LDAF1: variants seen among roughly 807,000 people sequenced by gnomAD.
LDAF1 encodes the protein lipid droplet assembly factor 1, also known as PROMETHIN.
Under a neutral mutation model 13.5 loss-of-function variants are expected in LDAF1, and 7 were observed. The observed-to-expected ratio is 0.52, with a 90% CI of 0.29 to 0.97. The LOEUF is 0.97. Among genes scored for constraint, LDAF1 ranks in the 50% least tolerant of loss-of-function variants. The probability of loss-of-function intolerance (pLI) is 0.07; values close to 1 mark genes in which losing one functional copy is unlikely to be tolerated. For missense variants in LDAF1, 148 were observed against 193.2 expected (o/e 0.77, Z 1.39); for synonymous variants, 69 against 77.1 (o/e 0.89, Z 0.55).
At chr16:21,174,367 T>G (rs2093120405) in intron 4 of LDAF1, among the ~76,000 whole-genome samples, 1 of 151,972 alleles carries the variant, frequency 6.6e-6, no homozygotes, top group Non-Finnish European at 1.5e-5. Context: ...TTTTAATATT[T>G]TTTATTTTTT....
chr16:21,179,577 C>A lies in LDAF1; in HGVS notation c.*21C>A. ...AATGAGTGACTGCTCAGAGGCCGGG[C>A]TTCTTTTCAAGTACTGCTGGATCAT... On this transcript the variant is annotated 3_prime_UTR_variant, in exon 5 of 5. Transcript: ENST00000233047. 1 of 1,605,796 alleles carries A rather than the reference C, an allele frequency of 6.2e-7. No homozygotes were observed. The highest frequency in any genetic ancestry group is 8.5e-7 in the Non-Finnish European group (1 of 1,173,126).
At chr16:21,179,195 T>A (rs898146397) in intron 4 of LDAF1, 2 of 254,046 alleles carry the variant, frequency 7.9e-6, no homozygotes, top group African/African-American at 4.6e-5. Flanking sequence ...TAATCTACCA[T>A]TCTCACTGGG....
At chr16:21,173,869 A>C in intron 3 of LDAF1, 141 bp from the exon 4 acceptor site, 1 of 903,286 alleles carries the variant, frequency 1.1e-6, no homozygotes, top group Non-Finnish European at 1.6e-6. Context: ...AAGTGATGCT[A>C]GAAATCTGGG....
intron 1 of LDAF1, among the ~76,000 whole-genome samples, chr16:21,160,710 TATC>T (rs1215399735): frequency 1.3e-5 from 2 of 152,222 alleles, no homozygotes; most frequent in Middle Eastern, 3.2e-3. Flanking sequence ...TTTTTAAAAG[TATC>T]ATACACATCT....
At position 21,174,000 on chromosome 16, in the gene LDAF1, C is replaced by A; in HGVS notation, c.266-10C>A. 6.2e-7 allele frequency: 1 copy of A among 1,608,564 alleles called. No individual in the cohort carries two copies. Among genetic ancestry groups the A allele is most frequent in the Non-Finnish European group, 8.5e-7 (1 of 1,178,076 alleles). On this transcript the variant is annotated splice_polypyrimidine_tract_variant and intron_variant, in intron 3 of 4. Transcript: ENST00000233047. ...GATGAACCCTTCTCCTAACCACGTTCTCCTCCTAGGATTGGTCATCTCTGT... is the reference window on the plus strand; with the variant it reads ...GATGAACCCTTCTCCTAACCACGTTATCCTCCTAGGATTGGTCATCTCTGT...
At chr16:21,178,401 T>A (rs1249569296) in intron 4 of LDAF1, 1 of 985,098 alleles carries the variant, frequency 1.0e-6, no homozygotes, top group Non-Finnish European at 1.2e-6. Context: ...TTTTTTGTTA[T>A]CAGGGAGGAA....
intron 1 of LDAF1, chr16:21,159,821 A>G (rs2092947786): frequency 1.2e-6 from 1 of 807,530 alleles, no homozygotes; most frequent in Non-Finnish European, 1.5e-6. Context: ...CTCCCAGGCC[A>G]AAGGAGACCT....
At chr16:21,178,243 C>T (rs559237198) in intron 4 of LDAF1, 1 of 985,356 alleles carries the variant, frequency 1.0e-6, no homozygotes, top group African/African-American at 1.7e-5. Context: ...CCAGGGCCTG[C>T]AGCTCAGGAG....
chr16:21,160,498 G>T (rs138682663), intron 1 of LDAF1, among the ~76,000 whole-genome samples: 115 of 152,214 alleles, frequency 7.6e-4, no homozygotes, highest in African/African-American at 2.6e-3. Flanking sequence ...ATGGAATTGG[G>T]AGCCAACCTG....
chr16:21,161,991 C>G (rs1176833702), intron 2 of LDAF1, among the ~76,000 whole-genome samples: 6 of 151,958 alleles, frequency 3.9e-5, no homozygotes, highest in Admixed American at 3.9e-4. Context: ...AACCCCATCT[C>G]TACTAAAATT....
chr16:21,179,484 A>G lies in LDAF1; in HGVS notation c.414A>G (p.Thr138=). The G allele has an allele frequency of 4.3e-6, 7 of 1,614,166 alleles. No homozygotes were observed. The highest frequency in any genetic ancestry group is 5.9e-6 in the Non-Finnish European group (7 of 1,180,018). The change falls in exon 5 of 5, where the codon ACA becomes ACG. Residue 138 remains threonine, a synonymous_variant. Transcript: ENST00000233047. Reference sequence around the variant, plus strand: ...TCTTGTTATCCGACAGGCCACTGACACAGCAAAACACCAGTTGTGACTTTC... The same window carrying G: ...TCTTGTTATCCGACAGGCCACTGACGCAGCAAAACACCAGTTGTGACTTTC... ...ISCWFSPRPL[T]QQNTSCDFLP...
At chr16:21,170,401 G>GT in intron 2 of LDAF1, 36 bp from the exon 3 acceptor site, 1 of 1,611,992 alleles carries the variant, frequency 6.2e-7, no homozygotes, top group East Asian at 2.2e-5. Flanking sequence ...GTTCCGATGT[G>GT]TTACTTATCC....
chr16:21,180,005 TG>T lies in LDAF1; in HGVS notation c.*451del, dbSNP rs1382354141. 6.4e-6 allele frequency: 1 copy of T among 156,194 alleles called. No homozygotes were observed. Among genetic ancestry groups the T allele is most frequent in the Non-Finnish European group, 1.4e-5 (1 of 70,450 alleles). 9.7% of individuals were successfully genotyped at this position (156,194 alleles called of 1,614,324 possible). On this transcript the variant is annotated 3_prime_UTR_variant, in exon 5 of 5. Transcript: ENST00000233047. Reference sequence around the variant, plus strand: ...ATCCAAAACAGAACAAGCCCTTCTGTGGTATTTGCTTTTTATCAGAAAGAAC... The same window carrying T: ...ATCCAAAACAGAACAAGCCCTTCTGTGTATTTGCTTTTTATCAGAAAGAAC...
intron 3 of LDAF1, among the ~76,000 whole-genome samples, chr16:21,173,644 C>T (rs1046163752): frequency 2.6e-5 from 4 of 151,726 alleles, no homozygotes; most frequent in East Asian, 1.9e-4. Flanking sequence ...ACCTGGGAGG[C>T]GGAGGTTGCA....
chr16:21,179,483 CA>C lies in LDAF1; in HGVS notation c.414del (p.Gln139SerfsTer12). The C allele has an allele frequency of 6.2e-7, 1 of 1,614,192 alleles. No homozygotes were observed. Among genetic ancestry groups the C allele is most frequent in the Admixed American group, 1.7e-5 (1 of 60,024 alleles). ...TTCTTGTTATCCGACAGGCCACTGA[CA>C]CAGCAAAACACCAGTTGTGACTTTC... The part of the protein sequence containing the change: ...ISCWFSPRPL[T>X]QQNTSCDFLP... On this transcript the variant is annotated frameshift_variant, in exon 5 of 5. Transcript: ENST00000233047. LOFTEE classifies it low-confidence loss of function (END_TRUNC).
At chr16:21,160,036 G>A (rs534006234) in intron 1 of LDAF1, 19 of 921,518 alleles carry the variant, frequency 2.1e-5, no homozygotes, top group Non-Finnish European at 2.2e-5. Context: ...GTCTAGCTGG[G>A]ATGATTAAAA....
chr16:21,178,590 T>C (rs1268061816), intron 4 of LDAF1, among the ~76,000 whole-genome samples: 2 of 152,322 alleles, frequency 1.3e-5, no homozygotes, highest in South Asian at 2.1e-4. Flanking sequence ...CCCATTGGTT[T>C]CCTACCTTAT....
rs1188634887 is a variant in LDAF1 at position 21,180,306 on chromosome 16, C to T, written c.*750C>T. On this transcript the variant is annotated 3_prime_UTR_variant, in exon 5 of 5. Transcript: ENST00000233047. The stretch of plus-strand genomic sequence containing the variant: ...GGAGTGCAATGGTGCAGTCTCGGCT[C>T]ACTGCAACCTCCAACTCCCAGGTTC... The T allele has an allele frequency of 6.9e-6, 1 of 143,950 alleles. No homozygotes were observed. The highest frequency in any genetic ancestry group is 1.5e-5 in the Non-Finnish European group (1 of 67,074). 8.9% of individuals were successfully genotyped at this position (143,950 alleles called of 1,614,324 possible).
At chr16:21,174,328 T>C (rs2093119904) in intron 4 of LDAF1, among the ~76,000 whole-genome samples, 180 bp downstream of exon 4, 1 of 152,170 alleles carries the variant, frequency 6.6e-6, no homozygotes, top group Admixed American at 6.5e-5. Context: ...TAGCTGGGGC[T>C]ACAGGTGCAT....
Sources: allele counts gnomAD v4.1 joint callset (sites outside exome capture counted in the v4.1 genomes callset), GRCh38; gene constraint gnomAD v4.1.1; transcripts MANE v1.5; gene names NCBI Gene and HGNC (gene_info 2026-07-23, HGNC 2026-07-21).